Variants in PDHX observed in about 807,000 individuals in gnomAD.
PDHX encodes pyruvate dehydrogenase protein X component, mitochondrial.
Under a neutral mutation model 55.3 loss-of-function variants are expected in PDHX, and 33 were observed. That is an observed-to-expected ratio of 0.60 (90% confidence interval 0.45 to 0.80). The LOEUF (loss-of-function observed/expected upper bound fraction) is 0.80. Ranked by LOEUF, PDHX falls within the 30% of genes least tolerant of loss-of-function variation. The probability of loss-of-function intolerance (pLI) is 0.00; values close to 1 mark genes in which losing one functional copy is unlikely to be tolerated. For synonymous variants in PDHX, 226 were observed against 219.4 expected (o/e 1.03, Z -0.27); for missense variants, 622 against 619.9 (o/e 1.00, Z -0.04).
intron 2 of PDHX, among the ~76,000 whole-genome samples, chr11:34,942,288 A>C (rs1038867774): frequency 6.6e-6 from 1 of 152,270 alleles, no homozygotes; most frequent in African/African-American, 2.4e-5. Flanking sequence ...ACATGACAGA[A>C]TATGGAATAA....
upstream of PDHX, chr11:34,916,138 G>A (rs1386922313): frequency 1.3e-6 from 2 of 1,512,326 alleles, no homozygotes; most frequent in African/African-American, 2.8e-5. Flanking sequence ...CTAAACGCCC[G>A]GCCCGCTACC....
At chr11:34,994,419 T>C (rs1855816808) in intron 10 of PDHX, among the ~76,000 whole-genome samples, 1 of 152,252 alleles carries the variant, frequency 6.6e-6, no homozygotes, top group Admixed American at 6.5e-5. Flanking sequence ...GAAGTTGCTC[T>C]GGAAGAATCA....
chr11:34,968,069 A>G (rs941241343), intron 6 of PDHX, among the ~76,000 whole-genome samples: 1 of 152,094 alleles, frequency 6.6e-6, no homozygotes, highest in African/African-American at 2.4e-5. Context: ...TAGGCATTCA[A>G]AGACCAGCCT....
chr11:34,971,994 T>C (rs1855267105), intron 7 of PDHX, among the ~76,000 whole-genome samples: 1 of 151,500 alleles, frequency 6.6e-6, no homozygotes, highest in African/African-American at 2.4e-5. Context: ...TTGTGTCATC[T>C]AAGTCACCAG....
intron 8 of PDHX, among the ~76,000 whole-genome samples, chr11:34,978,404 C>G (rs1222337881): frequency 6.6e-6 from 1 of 152,106 alleles, no homozygotes; most frequent in Admixed American, 6.6e-5. Flanking sequence ...TTATTCTAGG[C>G]ATTAGAGATA....
At chr11:34,979,302 G>C (rs78033682) in intron 8 of PDHX, among the ~76,000 whole-genome samples, 11,529 of 152,076 alleles carry the variant, frequency 0.076, 454 homozygotes, top group African/African-American at 0.093. Flanking sequence ...GAGGTGGCAG[G>C]AAGGCAGGTG....
At chr11:34,945,824 A>G (rs952694223) in intron 2 of PDHX, among the ~76,000 whole-genome samples, 5 of 152,172 alleles carry the variant, frequency 3.3e-5, no homozygotes, top group African/African-American at 4.8e-5. Flanking sequence ...CACCACCTAG[A>G]TCAAGATTTA....
At chr11:34,918,883 G>A (rs1161459329) in intron 1 of PDHX, among the ~76,000 whole-genome samples, 1 of 152,116 alleles carries the variant, frequency 6.6e-6, no homozygotes, top group African/African-American at 2.4e-5. Flanking sequence ...GGCTGGTTCA[G>A]TCTTTATCAC....
At chr11:34,945,650 T>A (rs1854603773) in intron 2 of PDHX, among the ~76,000 whole-genome samples, 1 of 152,174 alleles carries the variant, frequency 6.6e-6, no homozygotes, top group Non-Finnish European at 1.5e-5. Flanking sequence ...TTTAAAAGAT[T>A]ATGTTTTTAT....
At chr11:34,926,820 T>A (rs1194632877) in intron 1 of PDHX, among the ~76,000 whole-genome samples, 1 of 152,102 alleles carries the variant, frequency 6.6e-6, no homozygotes, top group African/African-American at 2.4e-5. Context: ...TAGATTAGTG[T>A]ACCATATTTG....
At chr11:34,974,471 C>T (rs181867540) in intron 7 of PDHX, among the ~76,000 whole-genome samples, 49 of 152,204 alleles carry the variant, frequency 3.2e-4, no homozygotes, top group Middle Eastern at 3.4e-3. Flanking sequence ...CTGCTGTGAA[C>T]GTGGCTGTAC....
chr11:34,963,277 A>AT (rs1235039363), intron 5 of PDHX, among the ~76,000 whole-genome samples: 3 of 151,210 alleles, frequency 2.0e-5, no homozygotes, highest in Non-Finnish European at 3.0e-5. Context: ...AACGTTTTGA[A>AT]TTTTTTTTTC....
chr11:34,986,429 A>T, intron 9 of PDHX, among the ~76,000 whole-genome samples: 1 of 152,142 alleles, frequency 6.6e-6, no homozygotes, highest in East Asian at 1.9e-4. Context: ...TTCAGCGACA[A>T]TGAGAATATT....
rs771180919 is a variant in PDHX at position 34,960,470 on chromosome 11, A to T, written c.593A>T (p.Asp198Val). The change falls in exon 5 of 11, where the codon GAT becomes GTT. Residue 198 changes from aspartate to valine, a missense_variant. Coordinates refer to ENST00000227868, the MANE Select transcript of PDHX (RefSeq NM_003477.3). ...ARNILEKHSL[D>V]ASQGTATGPR... is the part of the protein sequence containing the mutation. ...AATATTCTGGAAAAACACTCACTGG[A>T]TGCTAGCCAGGGCACAGCCACTGGC... 20 of 1,613,462 alleles carry T rather than the reference A, an allele frequency of 1.2e-5. No individual in the cohort carries two copies. Among genetic ancestry groups the T allele is most frequent in the Non-Finnish European group, 1.4e-5 (17 of 1,179,680 alleles).
intron 8 of PDHX, among the ~76,000 whole-genome samples, chr11:34,978,592 CA>C (rs1855435197): frequency 6.6e-6 from 1 of 152,076 alleles, no homozygotes; most frequent in Non-Finnish European, 1.5e-5. Context: ...GCCCCTCTGA[CA>C]AGGCGATAAT....
chr11:34,931,271 G>A (rs962612573), intron 1 of PDHX, 133 bp from the exon 2 acceptor site: 3 of 669,090 alleles, frequency 4.5e-6, no homozygotes, highest in Non-Finnish European at 8.2e-6. Flanking sequence ...TAGTTTACCA[G>A]TTGGGAATCT....
intron 1 of PDHX, among the ~76,000 whole-genome samples, chr11:34,921,616 A>AT (rs1201679995): frequency 3.3e-5 from 5 of 152,032 alleles, no homozygotes; most frequent in African/African-American, 7.2e-5. Flanking sequence ...ATTTTATTTT[A>AT]TTTATTTTAA....
chr11:34,950,049 CT>C (rs1854719599), intron 3 of PDHX, among the ~76,000 whole-genome samples: 2 of 152,016 alleles, frequency 1.3e-5, no homozygotes, highest in East Asian at 3.9e-4. Flanking sequence ...GGTTTCTTCA[CT>C]TTATCTCACT....
intron 9 of PDHX, among the ~76,000 whole-genome samples, chr11:34,988,241 A>G (rs1855692001): frequency 6.6e-6 from 1 of 152,210 alleles, no homozygotes; most frequent in African/African-American, 2.4e-5. Flanking sequence ...TCTAACAATA[A>G]TAGCAGCGGG....
Sources: allele counts gnomAD v4.1 joint callset (sites outside exome capture counted in the v4.1 genomes callset), GRCh38; gene constraint gnomAD v4.1.1; transcripts MANE v1.5; gene names NCBI Gene and HGNC (gene_info 2026-07-23, HGNC 2026-07-21).